MDGA2: variants seen among roughly 807,000 people sequenced by gnomAD.
MDGA2 encodes MAM domain-containing glycosylphosphatidylinositol anchor protein 2.
In MDGA2, 40 loss-of-function variants were observed where a neutral mutation model predicts 117.8. The observed-to-expected ratio is 0.34, with a 90% CI of 0.26 to 0.44. MDGA2 has a LOEUF of 0.44. MDGA2 is among the 20% of genes least tolerant of loss of function. MDGA2 has a pLI of 1.00. For synonymous variants in MDGA2, 452 were observed against 439.0 expected (o/e 1.03, Z -0.37); for missense variants, 1,123 against 1,250.6 (o/e 0.90, Z 1.54).
chr14:47,497,341 C>T (rs566023517), intron 1 of MDGA2, among the ~76,000 whole-genome samples: 2 of 152,320 alleles, frequency 1.3e-5, no homozygotes, highest in South Asian at 2.1e-4. Flanking sequence ...ACTGCAACCA[C>T]CATCTCTCTG....
rs540521978 is a variant in MDGA2, at chr14:46,935,949, G to T, written c.2090-15789C>A. Among the ~76,000 whole-genome samples, 13 of 152,108 alleles carry T rather than the reference G, an allele frequency of 8.5e-5. No individual in the cohort carries two copies. The South Asian group carries it at 2.7e-3, about 32-fold the overall frequency. On this transcript the variant is annotated intron_variant, in intron 9 of 16. Transcript: ENST00000399232. ...GACCTATGATAATTCAGAGGTCCAAGAAAATGTTTTAAATTTAATTCATTT... is the reference window on the plus strand; with the variant it reads ...GACCTATGATAATTCAGAGGTCCAATAAAATGTTTTAAATTTAATTCATTT...
intron 9 of MDGA2, among the ~76,000 whole-genome samples, chr14:46,941,753 GTTCTATTC>G (rs1418821930): frequency 1.3e-5 from 2 of 152,054 alleles, no homozygotes. Flanking sequence ...AGTTTTCTTT[GTTCTATTC>G]TTCTCTGGTG....
At chr14:47,025,127 A>G (rs1321799845) in intron 8 of MDGA2, among the ~76,000 whole-genome samples, 1 of 152,218 alleles carries the variant, frequency 6.6e-6, no homozygotes, top group Non-Finnish European at 1.5e-5. Flanking sequence ...AAAATATAAG[A>G]GTAAAAGAAT....
intron 6 of MDGA2, among the ~76,000 whole-genome samples, chr14:47,081,314 G>A (rs924077120): frequency 7.9e-5 from 12 of 151,764 alleles, no homozygotes; most frequent in Admixed American, 2.0e-4. Flanking sequence ...ACGGAAACAC[G>A]AACAACTTAA....
intron 6 of MDGA2, among the ~76,000 whole-genome samples, chr14:47,076,210 T>C (rs924397959): frequency 2.0e-5 from 3 of 152,114 alleles, no homozygotes; most frequent in African/African-American, 7.2e-5. Context: ...TTTTTAAGTT[T>C]AATTATAACA....
chr14:47,306,724 C>T (rs142875801), intron 1 of MDGA2, among the ~76,000 whole-genome samples: 68 of 152,156 alleles, frequency 4.5e-4, no homozygotes, highest in African/African-American at 1.5e-3. Context: ...GTTCACTGGT[C>T]CCTCTCCTAG....
intron 8 of MDGA2, among the ~76,000 whole-genome samples, chr14:46,980,102 G>A (rs1194893183): frequency 1.3e-5 from 2 of 152,096 alleles, no homozygotes; most frequent in African/African-American, 4.8e-5. Context: ...CAAAATCCTA[G>A]GGCCCTTAAG....
intron 1 of MDGA2, among the ~76,000 whole-genome samples, chr14:47,450,284 T>C (rs576809607): frequency 3.6e-4 from 54 of 152,014 alleles, no homozygotes; most frequent in Non-Finnish European, 4.3e-4. Flanking sequence ...CTTTTCTCTC[T>C]TTATTTTCTC....
chr14:47,518,675 G>C (rs1430425231), intron 1 of MDGA2, among the ~76,000 whole-genome samples: 1 of 152,060 alleles, frequency 6.6e-6, no homozygotes, highest in Admixed American at 6.6e-5. Flanking sequence ...AAAGAAAGTT[G>C]GATGACTAAC....
intron 1 of MDGA2, among the ~76,000 whole-genome samples, chr14:47,349,124 G>A (rs943482995): frequency 6.6e-6 from 1 of 152,212 alleles, no homozygotes; most frequent in Non-Finnish European, 1.5e-5. Flanking sequence ...AAGGGAACTG[G>A]AATTGAAAGT....
At chr14:47,666,007 G>A (rs1042311701) in intron 1 of MDGA2, among the ~76,000 whole-genome samples, 10 of 151,968 alleles carry the variant, frequency 6.6e-5, no homozygotes, top group Admixed American at 1.3e-4. Context: ...TCCACTGGGT[G>A]AAGCCAGCTG....
chr14:47,048,945 C>T (rs995095028), intron 7 of MDGA2, among the ~76,000 whole-genome samples: 12 of 152,002 alleles, frequency 7.9e-5, no homozygotes, highest in African/African-American at 2.9e-4. Flanking sequence ...CACATAAAAA[C>T]TTATATAATG....
In MDGA2 at chr14:46,920,204, T is replaced by C. The variant is rs1441357256; in HGVS notation, c.2090-44A>G. On this transcript the variant is annotated intron_variant, in intron 9 of 16. Transcript: ENST00000399232. ...CTTAAATTTGAATGATGACATATTG[T>C]AGTGTAAGCATACTTATTCCCTTTG... The C allele has an allele frequency of 2.5e-6, 4 of 1,575,376 alleles. No homozygotes were observed. In the East Asian group the frequency reaches 6.8e-5, roughly 27 times the overall value.
At chr14:46,881,615 T>C (rs1187987163) in intron 11 of MDGA2, among the ~76,000 whole-genome samples, 1 of 152,144 alleles carries the variant, frequency 6.6e-6, no homozygotes, top group Admixed American at 6.6e-5. Flanking sequence ...GTATACTTCC[T>C]GCCAATTTTC....
chr14:47,454,937 A>C (rs905050776), intron 1 of MDGA2, among the ~76,000 whole-genome samples: 4 of 152,242 alleles, frequency 2.6e-5, no homozygotes, highest in Non-Finnish European at 4.4e-5. Flanking sequence ...GCACTCACAA[A>C]TGAACACTAA....
chr14:47,489,687 G>A (rs151230660), intron 1 of MDGA2, among the ~76,000 whole-genome samples: 1 of 152,118 alleles, frequency 6.6e-6, no homozygotes, highest in African/African-American at 2.4e-5. Context: ...CAGAACTGTT[G>A]CCATCACCAT....
chr14:47,151,693 A>G (rs1320774689), intron 3 of MDGA2, among the ~76,000 whole-genome samples: 1 of 151,856 alleles, frequency 6.6e-6, no homozygotes, highest in Non-Finnish European at 1.5e-5. Context: ...AAAGTGTATG[A>G]TTTTTATTAT....
intron 1 of MDGA2, among the ~76,000 whole-genome samples, chr14:47,589,370 G>A (rs1419752083): frequency 6.6e-6 from 1 of 151,874 alleles, no homozygotes; most frequent in Non-Finnish European, 1.5e-5. Flanking sequence ...TGGTGTAAAG[G>A]ACAAGTCCAA....
chr14:47,214,712 C>A (rs1057295389), intron 3 of MDGA2, among the ~76,000 whole-genome samples: 1 of 152,068 alleles, frequency 6.6e-6, no homozygotes, highest in Non-Finnish European at 1.5e-5. Flanking sequence ...TTTCGTGAAA[C>A]TACATTTCCT....
Sources: gnomAD v4.1 joint callset for allele counts (sites outside exome capture counted in the v4.1 genomes callset) on GRCh38, gnomAD v4.1.1 for gene constraint, MANE v1.5 for transcripts, NCBI Gene and HGNC (gene_info 2026-07-23, HGNC 2026-07-21) for gene names.